RBFOX3: variants seen among roughly 807,000 people sequenced by gnomAD.
RBFOX3 encodes the protein RNA binding protein fox-1 homolog 3.
Under a neutral mutation model 48.7 loss-of-function variants are expected in RBFOX3, and 17 were observed. That is an observed-to-expected ratio of 0.35 (90% CI 0.24 to 0.52). The LOEUF (loss-of-function observed/expected upper bound fraction) is 0.52, where lower values mean the gene tolerates loss of function less well. RBFOX3 is among the 20% of genes least tolerant of loss of function. The pLI is 0.94. For missense variants in RBFOX3, 382 were observed against 497.5 expected, an observed-to-expected ratio of 0.77 and a Z score of 2.21; for synonymous variants, 212 against 209.5, an observed-to-expected ratio of 1.01 and a Z score of -0.10.
At chr17:79,175,136 C>T (rs747865328) in intron 4 of RBFOX3, among the ~76,000 whole-genome samples, 1 of 152,242 alleles carries the variant, frequency 6.6e-6, no homozygotes, top group East Asian at 1.9e-4. Flanking sequence ...TCCGCCAGGG[C>T]AGCGGTGACT....
intron 1 of RBFOX3, among the ~76,000 whole-genome samples, chr17:79,526,958 C>T (rs1244429056): frequency 6.6e-6 from 1 of 152,224 alleles, no homozygotes; most frequent in East Asian, 1.9e-4. Flanking sequence ...CACAGAAGGA[C>T]CCTACAGCTG....
Position 79,445,266 on chromosome 17 carries a change from G to A in RBFOX3, c.-175+37188C>T, listed in dbSNP as rs906251253. On this transcript the variant is annotated intron_variant, in intron 2 of 14. Coordinates refer to ENST00000693108, the MANE Select transcript of RBFOX3 (RefSeq NM_001350451.2). Reference sequence around the variant, plus strand: ...TTTCATTTCTCTTATGTATATTAGGGAGCACATTTTCTTGTAAGGGGGTCC... The same window carrying A: ...TTTCATTTCTCTTATGTATATTAGGAAGCACATTTTCTTGTAAGGGGGTCC... 2.0e-5 allele frequency among the ~76,000 whole-genome samples: 3 copies of A among 152,138 alleles called. No individual in the cohort carries two copies. In the South Asian group the frequency reaches 6.2e-4, roughly 32 times the overall value.
intron 1 of RBFOX3, among the ~76,000 whole-genome samples, chr17:79,567,164 T>TTTTC (rs1368612868): frequency 7.4e-6 from 1 of 135,658 alleles, no homozygotes; most frequent in African/African-American, 2.6e-5. Flanking sequence ...GTGCTATTTT[T>TTTTC]TTTCTTTCTT....
At chr17:79,510,342 A>G (rs1242021032) in intron 1 of RBFOX3, among the ~76,000 whole-genome samples, 1 of 152,078 alleles carries the variant, frequency 6.6e-6, no homozygotes, top group African/African-American at 2.4e-5. Context: ...CTGCGCACCC[A>G]CCGCCAGGTC....
At chr17:79,571,091 C>T (rs2092662521) in intron 1 of RBFOX3, among the ~76,000 whole-genome samples, 1 of 152,164 alleles carries the variant, frequency 6.6e-6, no homozygotes, top group African/African-American at 2.4e-5. Context: ...CCGGCCCTGG[C>T]CTAGCTGTCA....
chr17:79,288,523 G>C (rs935833263), intron 3 of RBFOX3, among the ~76,000 whole-genome samples: 5 of 151,828 alleles, frequency 3.3e-5, no homozygotes, highest in African/African-American at 1.2e-4. Flanking sequence ...GTCAGTCTGT[G>C]GGCATGAGAC....
chr17:79,650,734 G>A, the RBFOX3 span, among the ~76,000 whole-genome samples: 5 of 151,938 alleles, frequency 3.3e-5, no homozygotes, highest in African/African-American at 4.8e-5. Flanking sequence ...TAAATACACC[G>A]ACACTTAGGA....
intron 2 of RBFOX3, among the ~76,000 whole-genome samples, chr17:79,436,372 C>T (rs181567763): frequency 4.8e-4 from 73 of 152,350 alleles, no homozygotes; most frequent in Non-Finnish European, 8.8e-4. Flanking sequence ...GGGGCATGGC[C>T]CCGGGTGCAC....
intron 2 of RBFOX3, among the ~76,000 whole-genome samples, chr17:79,321,733 T>G (rs1232127540): frequency 2.2e-5 from 3 of 135,224 alleles, no homozygotes; most frequent in African/African-American, 2.8e-5. Flanking sequence ...ATAGACGGAG[T>G]CTCACTGTGT....
At chr17:79,478,075 C>T (rs2078209159) in intron 2 of RBFOX3, among the ~76,000 whole-genome samples, 1 of 152,216 alleles carries the variant, frequency 6.6e-6, no homozygotes, top group East Asian at 1.9e-4. Flanking sequence ...CCAAGCAACG[C>T]TCATGTGCTC....
intron 4 of RBFOX3, among the ~76,000 whole-genome samples, chr17:79,136,996 C>T (rs1485030537): frequency 1.3e-5 from 2 of 152,152 alleles, no homozygotes; most frequent in Non-Finnish European, 2.9e-5. Context: ...TTCAGCCACA[C>T]GCCTCTGACC....
chr17:79,589,970 A>G (rs2145059386), intron 1 of RBFOX3, among the ~76,000 whole-genome samples: 1 of 152,210 alleles, frequency 6.6e-6, no homozygotes, highest in South Asian at 2.1e-4. Context: ...AAGAAGAAGA[A>G]AAGGAAAGAG....
chr17:79,614,399 G>A (rs2093986231), upstream of RBFOX3, among the ~76,000 whole-genome samples: 1 of 152,350 alleles, frequency 6.6e-6, no homozygotes, highest in Admixed American at 6.5e-5. Context: ...AGCACCCAGA[G>A]GGGAAACCTG....
At position 79,431,487 on chromosome 17, in the gene RBFOX3, A is replaced by ATTTT. The variant is rs10633689; in HGVS notation, c.-175+50963_-175+50966dup. ...CCCCACCCCCCACCATGCCTGGCTA[A>ATTTT]TTTTTTTTTTTTTTTTGAGATGGAT... On this transcript the variant is annotated intron_variant, in intron 2 of 14. Coordinates refer to ENST00000693108, the MANE Select transcript of RBFOX3 (RefSeq NM_001350451.2). Among the ~76,000 whole-genome samples the ATTTT allele has an allele frequency of 1.3e-3, 160 of 121,408 alleles. 6 individuals are homozygous for ATTTT. The highest frequency in any genetic ancestry group is 4.8e-3 in the African/African-American group (149 of 31,094). The allele number at this position is 121,408 out of a possible 152,430, so 79.6% of individuals were successfully genotyped here.
intron 1 of RBFOX3, among the ~76,000 whole-genome samples, chr17:79,602,660 C>T (rs1426416141): frequency 6.6e-6 from 1 of 151,504 alleles, no homozygotes; most frequent in Non-Finnish European, 1.5e-5. Context: ...AAAGCACACA[C>T]TTTGTTTTTT....
intron 1 of RBFOX3, among the ~76,000 whole-genome samples, chr17:79,584,725 C>T (rs893392344): frequency 4.0e-5 from 6 of 151,884 alleles, no homozygotes; most frequent in Admixed American, 6.6e-5. Flanking sequence ...GCTATGAGGA[C>T]GCAAAGATTA....
intron 3 of RBFOX3, among the ~76,000 whole-genome samples, chr17:79,260,135 C>T (rs1202040606): frequency 2.6e-5 from 4 of 151,998 alleles, no homozygotes; most frequent in Non-Finnish European, 5.9e-5. Flanking sequence ...TGGGCCTGGC[C>T]CAGCCCATCG....
At chr17:79,239,890 T>A (rs2062114447) in intron 3 of RBFOX3, among the ~76,000 whole-genome samples, 1 of 152,222 alleles carries the variant, frequency 6.6e-6, no homozygotes, top group South Asian at 2.1e-4. Flanking sequence ...AGAATAATAT[T>A]TGCTCTTGGG....
rs758053699 is a variant in RBFOX3 at position 79,480,908 on chromosome 17, G to T, written c.-175+1546C>A. Among the ~76,000 whole-genome samples, 81 of 152,300 alleles carry T rather than the reference G, an allele frequency of 5.3e-4. No individual in the cohort carries two copies. In the East Asian group the frequency reaches 0.011, roughly 21 times the overall value. The stretch of plus-strand genomic sequence containing the variant: ...ATAAACACCATGAGGGCCAGAACTT[G>T]ACCTTGTCTCCACTGCGTCTCCAGC... On this transcript the variant is annotated intron_variant, in intron 2 of 14. Transcript: ENST00000693108. The surrounding 1 kb of genome is among the most constrained non-coding windows in gnomAD (Gnocchi z 4.8).
Sources: allele counts gnomAD v4.1 joint callset (sites outside exome capture counted in the v4.1 genomes callset), GRCh38; gene constraint gnomAD v4.1.1; non-coding constraint Gnocchi (gnomAD v3.1); transcripts MANE v1.5; gene names NCBI Gene and HGNC (gene_info 2026-07-23, HGNC 2026-07-21).